SNX29: variants seen among roughly 807,000 people sequenced by gnomAD.
SNX29 encodes the protein sorting nexin 29.
Under a neutral mutation model 102.1 loss-of-function variants are expected in SNX29, and 78 were observed. The ratio of observed to expected loss-of-function variants is 0.76; its 90% confidence interval spans 0.64 to 0.92. The LOEUF is 0.92. Among genes scored for constraint, SNX29 ranks in the 40% least tolerant of loss-of-function variants. The pLI, the probability that SNX29 is intolerant of heterozygous loss-of-function variation, is 0.00. For synonymous variants in SNX29, 580 were observed against 414.5 expected (o/e 1.40, Z -4.85); for missense variants, 1,280 against 1,061.7 (o/e 1.21, Z -2.86).
At position 12,573,679 on chromosome 16, in the gene SNX29, G is replaced by T. The variant is rs1054637303; in HGVS notation, c.*5050G>T. 16 of 223,382 alleles carry T rather than the reference G, an allele frequency of 7.2e-5. No homozygotes were observed. The highest frequency in any genetic ancestry group is 3.6e-4 in the African/African-American group (16 of 44,834). The allele number at this position is 223,382 out of a possible 1,614,324, so 13.8% of individuals were successfully genotyped here. On this transcript the variant is annotated 3_prime_UTR_variant, in exon 21 of 21. Transcript: ENST00000566228. ...CACTGTCAGTGTAGGTAAGACAGAG[G>T]ATGCCCTTGCAAAAATTGGGACTGA... is the stretch of plus-strand genomic sequence containing the variant.
chr16:12,277,864 C>CT lies in SNX29; in HGVS notation c.1679-62dup. 3.6e-6 allele frequency: 5 copies of CT among 1,402,814 alleles called. No individual in the cohort carries two copies. The South Asian group carries it at 6.3e-5, about 18-fold the overall frequency. The allele number at this position is 1,402,814 out of a possible 1,614,324, so 86.9% of individuals were successfully genotyped here. A position where few individuals can be genotyped will look rare whatever the true frequency, so the allele number is the denominator to read the frequency against. On this transcript the variant is annotated intron_variant, in intron 14 of 20. Coordinates refer to ENST00000566228, the MANE Select transcript of SNX29 (RefSeq NM_032167.5). ...GTCATCTGAGAAAGAAGAATTTTTT[C>CT]TTTTTTTACTGGGAGAATAATTTTC...
intron 16 of SNX29, chr16:12,374,783 T>G (rs552062452): frequency 6.6e-6 from 1 of 152,180 alleles, no homozygotes; most frequent in Non-Finnish European, 1.5e-5. Flanking sequence ...ATCTCTTCAA[T>G]GGGACCTGGG....
chr16:12,125,754 G>A (rs968278918), intron 11 of SNX29, among the ~76,000 whole-genome samples: 1 of 151,754 alleles, frequency 6.6e-6, no homozygotes, highest in Non-Finnish European at 1.5e-5. Flanking sequence ...ACCGTGCCCG[G>A]CCTACATCTC....
intron 18 of SNX29, among the ~76,000 whole-genome samples, chr16:12,463,962 C>A (rs992571164): frequency 5.3e-5 from 8 of 151,906 alleles, no homozygotes; most frequent in African/African-American, 9.7e-5. Context: ...AACTTATCTT[C>A]TAAGAGAAAG....
At chr16:12,523,039 T>G (rs2090158911) in intron 19 of SNX29, among the ~76,000 whole-genome samples, 2 of 152,182 alleles carry the variant, frequency 1.3e-5, no homozygotes, top group South Asian at 4.1e-4. Context: ...CTCAAACTCC[T>G]GGGCTCAAGC....
chr16:12,262,856 C>T (rs1209055653), intron 14 of SNX29, among the ~76,000 whole-genome samples: 2 of 152,162 alleles, frequency 1.3e-5, no homozygotes, highest in Admixed American at 6.5e-5. Flanking sequence ...CACCACTGTC[C>T]AACTCCAGAA....
intron 20 of SNX29, among the ~76,000 whole-genome samples, chr16:12,542,488 C>T (rs1970769): frequency 0.12 from 17,656 of 152,274 alleles, 1,332 homozygotes; most frequent in Non-Finnish European, 0.16. Context: ...CCCACTACCA[C>T]ACCTGGCTCA....
At chr16:11,990,658 A>T (rs1437630915) in intron 1 of SNX29, among the ~76,000 whole-genome samples, 3 of 152,090 alleles carry the variant, frequency 2.0e-5, no homozygotes, top group Non-Finnish European at 4.4e-5. Flanking sequence ...CGCCAGTGTA[A>T]CTGAGAATGA....
At chr16:11,993,842 C>T (rs890360044) in intron 1 of SNX29, among the ~76,000 whole-genome samples, 5 of 152,118 alleles carry the variant, frequency 3.3e-5, no homozygotes, top group Non-Finnish European at 7.4e-5. Context: ...AGACAAAGGC[C>T]GGGCGCGGTG....
chr16:12,515,620 G>A lies in SNX29; in HGVS notation c.2179-9082G>A, dbSNP rs374227165. ...GACCTCCGAAGTCACCTCCTCCCAG[G>A]TGCCTTCCTGTCCTAGCCACCCAAG... On this transcript the variant is annotated intron_variant, in intron 19 of 20. Coordinates refer to ENST00000566228, the MANE Select transcript of SNX29 (RefSeq NM_032167.5). 1.8e-4 allele frequency: 86 copies of A among 486,746 alleles called. 3 individuals are homozygous for A. The East Asian group carries it at 2.8e-3, about 16-fold the overall frequency. 30.2% of individuals were successfully genotyped at this position (486,746 alleles called of 1,614,324 possible).
In SNX29 at chr16:12,481,159, A is replaced by G. The variant is rs559306573; in HGVS notation, c.2178+3300A>G. 6.6e-5 allele frequency among the ~76,000 whole-genome samples: 10 copies of G among 152,222 alleles called. No individual in the cohort carries two copies. The East Asian group carries it at 1.7e-3, about 27-fold the overall frequency. ...TTTGCAAATAGACAAGCTTGAGAAT[A>G]AAAGACACCATCTTAGTGGGCCTGG... On this transcript the variant is annotated intron_variant, in intron 19 of 20. Coordinates refer to ENST00000566228, the MANE Select transcript of SNX29 (RefSeq NM_032167.5).
At chr16:12,230,548 A>C (rs897020885) in intron 14 of SNX29, among the ~76,000 whole-genome samples, 2 of 152,222 alleles carry the variant, frequency 1.3e-5, no homozygotes, top group African/African-American at 4.8e-5. Context: ...GGGCCTGTTC[A>C]ACATTAGGGG....
chr16:12,532,228 G>A (rs2076951082), intron 20 of SNX29, among the ~76,000 whole-genome samples: 3 of 152,320 alleles, frequency 2.0e-5, no homozygotes, highest in South Asian at 2.1e-4. Flanking sequence ...TGTAAATTGT[G>A]TACTTTCTGT....
At chr16:12,551,694 C>G (rs368048512) in intron 20 of SNX29, among the ~76,000 whole-genome samples, 1 of 152,210 alleles carries the variant, frequency 6.6e-6, no homozygotes, top group Non-Finnish European at 1.5e-5. Context: ...TACCACCCTC[C>G]TTTCAGGTGG....
chr16:12,204,362 C>G (rs1347000001), intron 14 of SNX29, among the ~76,000 whole-genome samples: 1 of 152,146 alleles, frequency 6.6e-6, no homozygotes. Context: ...GCCTGTTCGT[C>G]CTTGTAAAGG....
intron 16 of SNX29, among the ~76,000 whole-genome samples, chr16:12,371,884 C>T (rs1025741611): frequency 6.6e-6 from 1 of 152,208 alleles, no homozygotes; most frequent in Admixed American, 6.5e-5. Context: ...AGTCCTGTCC[C>T]TCAGCATTTG....
intron 11 of SNX29, among the ~76,000 whole-genome samples, chr16:12,094,273 GA>G (rs1484556253): frequency 6.6e-6 from 1 of 152,038 alleles, no homozygotes; most frequent in Non-Finnish European, 1.5e-5. Context: ...ACCTTGATAA[GA>G]AAAATTGGAA....
chr16:12,312,424 G>A (rs892576999), intron 15 of SNX29, among the ~76,000 whole-genome samples: 2 of 152,222 alleles, frequency 1.3e-5, no homozygotes, highest in African/African-American at 4.8e-5. Context: ...GGCCATTGGT[G>A]AGAGTGAGGG....
intron 16 of SNX29, among the ~76,000 whole-genome samples, chr16:12,387,040 A>C (rs974319304): frequency 6.6e-6 from 1 of 152,074 alleles, no homozygotes; most frequent in Non-Finnish European, 1.5e-5. Context: ...CAGGAGAATC[A>C]CTTGAACCTG....
Sources: gnomAD v4.1 joint callset for allele counts (sites outside exome capture counted in the v4.1 genomes callset) on GRCh38, gnomAD v4.1.1 for gene constraint, MANE v1.5 for transcripts, NCBI Gene and HGNC (gene_info 2026-07-23, HGNC 2026-07-21) for gene names.